Variants in ELK3 observed in about 807,000 individuals in gnomAD.
ELK3 encodes the protein ETS transcription factor ELK3, also known as ETS domain-containing protein Elk-3.
In ELK3, 10 loss-of-function variants were observed where a neutral mutation model predicts 28.9. That is an observed-to-expected ratio of 0.35 (90% CI 0.21 to 0.59). The LOEUF is 0.59. ELK3 is among the 20% of genes least tolerant of loss of function. The probability of loss-of-function intolerance (pLI) is 0.82; values close to 1 mark genes in which losing one functional copy is unlikely to be tolerated. For synonymous variants in ELK3, 272 were observed against 243.5 expected (o/e 1.12, Z -1.09); for missense variants, 463 against 517.3 (o/e 0.90, Z 1.02).
chr12:96,259,882 ATTAAGC>A (rs751104659), intron 4 of ELK3, 29 bp downstream of exon 4: 1 of 1,570,704 alleles, frequency 6.4e-7, no homozygotes, highest in Non-Finnish European at 8.6e-7. Context: ...ACTTTTGAAC[ATTAAGC>A]TTCTGAGGGA....
At chr12:96,222,080 C>T (rs1431948509) in intron 1 of ELK3, among the ~76,000 whole-genome samples, 1 of 152,180 alleles carries the variant, frequency 6.6e-6, no homozygotes, top group Non-Finnish European at 1.5e-5. Context: ...GTGCCACTCA[C>T]AACAGTTGAT....
At chr12:96,251,876 A>G (rs1236396624) in intron 3 of ELK3, among the ~76,000 whole-genome samples, 1 of 152,258 alleles carries the variant, frequency 6.6e-6, no homozygotes, top group African/African-American at 2.4e-5. Flanking sequence ...AGCGAGTGCT[A>G]ATGGAGAAGC....
chr12:96,203,249 A>G (rs1467868134), intron 1 of ELK3, among the ~76,000 whole-genome samples: 1 of 151,990 alleles, frequency 6.6e-6, no homozygotes, highest in Non-Finnish European at 1.5e-5. Flanking sequence ...CATTAATGCT[A>G]TTTTCTCCAA....
intron 1 of ELK3, among the ~76,000 whole-genome samples, chr12:96,214,415 A>G (rs1294654850): frequency 6.6e-6 from 1 of 152,084 alleles, no homozygotes; most frequent in Non-Finnish European, 1.5e-5. Flanking sequence ...TGGGCGACAG[A>G]GCAAGACTCT....
At chr12:96,210,892 G>A (rs1400584298) in intron 1 of ELK3, among the ~76,000 whole-genome samples, 1 of 152,146 alleles carries the variant, frequency 6.6e-6, no homozygotes, top group South Asian at 2.1e-4. Flanking sequence ...TATTTCCCAC[G>A]CATTACAATG....
chr12:96,195,280 C>CT (rs1951455567), intron 1 of ELK3, among the ~76,000 whole-genome samples: 2 of 151,488 alleles, frequency 1.3e-5, no homozygotes, highest in African/African-American at 4.8e-5. Flanking sequence ...AGGTGTGGGG[C>CT]TGGGGGCTGC....
chr12:96,232,594 C>G (rs1951750293), intron 2 of ELK3, among the ~76,000 whole-genome samples: 1 of 132,234 alleles, frequency 7.6e-6, no homozygotes. Context: ...AATAAAAATA[C>G]ATTAAAAAAA....
intron 3 of ELK3, among the ~76,000 whole-genome samples, chr12:96,254,607 C>G (rs180682675): frequency 0.01 from 1,536 of 151,988 alleles, 45 homozygotes; most frequent in Admixed American, 0.061. Flanking sequence ...AACTGAGTGC[C>G]CATCATGTGA....
At chr12:96,244,075 C>T (rs952079957) in intron 2 of ELK3, among the ~76,000 whole-genome samples, 2 of 151,190 alleles carry the variant, frequency 1.3e-5, no homozygotes, top group Non-Finnish European at 1.5e-5. Flanking sequence ...ATGTTTGTTC[C>T]TTACTATTCC....
intron 2 of ELK3, among the ~76,000 whole-genome samples, chr12:96,230,277 A>C (rs1951731198): frequency 6.6e-6 from 1 of 152,230 alleles, no homozygotes; most frequent in Non-Finnish European, 1.5e-5. Flanking sequence ...GTGCAAGTAC[A>C]TGCTATGATG....
intron 3 of ELK3, among the ~76,000 whole-genome samples, chr12:96,256,700 GAA>G (rs1209502917): frequency 1.3e-5 from 2 of 152,140 alleles, no homozygotes; most frequent in Middle Eastern, 3.2e-3. Context: ...TAAATGTTAA[GAA>G]AAAAATGGTC....
intron 2 of ELK3, among the ~76,000 whole-genome samples, chr12:96,228,904 T>G (rs1200320790): frequency 6.6e-6 from 1 of 152,240 alleles, no homozygotes; most frequent in Non-Finnish European, 1.5e-5. Context: ...AAAGAGAAGA[T>G]AAGATGACGC....
intron 2 of ELK3, among the ~76,000 whole-genome samples, chr12:96,243,470 C>A (rs1235604007): frequency 6.6e-6 from 1 of 152,172 alleles, no homozygotes; most frequent in African/African-American, 2.4e-5. Flanking sequence ...TGCCTATAAT[C>A]CCAGCACTTT....
chr12:96,212,117 G>A (rs2137006164), intron 1 of ELK3, among the ~76,000 whole-genome samples: 1 of 152,332 alleles, frequency 6.6e-6, no homozygotes, highest in South Asian at 2.1e-4. Context: ...AAGACAAAAT[G>A]AAACCAGAGC....
At chr12:96,216,048 C>T (rs924459860) in intron 1 of ELK3, among the ~76,000 whole-genome samples, 1 of 152,202 alleles carries the variant, frequency 6.6e-6, no homozygotes, top group Non-Finnish European at 1.5e-5. Flanking sequence ...TGCCAGAGGT[C>T]AAGCGTTTTA....
chr12:96,260,477 A>G (rs1951984763), intron 4 of ELK3, among the ~76,000 whole-genome samples: 1 of 152,186 alleles, frequency 6.6e-6, no homozygotes, highest in Admixed American at 6.5e-5. Context: ...TTGTTCTGTA[A>G]TGAAAAAGGA....
chr12:96,255,005 A>G (rs917468722), intron 3 of ELK3, among the ~76,000 whole-genome samples: 7 of 152,122 alleles, frequency 4.6e-5, no homozygotes, highest in African/African-American at 1.7e-4. Context: ...TGTTTTAGGA[A>G]TCACCCTGCT....
At chr12:96,259,999 C>G in intron 4 of ELK3, 146 bp downstream of exon 4, 1 of 1,122,310 alleles carries the variant, frequency 8.9e-7, no homozygotes, top group Non-Finnish European at 1.2e-6. Flanking sequence ...TGGGGTTGCA[C>G]GCCCTTCAGA....
intron 1 of ELK3, among the ~76,000 whole-genome samples, chr12:96,217,703 A>G (rs931908928): frequency 2.0e-5 from 3 of 152,196 alleles, no homozygotes; most frequent in African/African-American, 7.2e-5. Flanking sequence ...TGGGAGGCCG[A>G]GGCGGGCAGA....
Sources: allele counts gnomAD v4.1 joint callset (sites outside exome capture counted in the v4.1 genomes callset), GRCh38; gene constraint gnomAD v4.1.1; transcripts MANE v1.5; gene names NCBI Gene and HGNC (gene_info 2026-07-23, HGNC 2026-07-21).